PCDHA3: variants seen among roughly 807,000 people sequenced by gnomAD.
The protein encoded by PCDHA3 is protocadherin alpha-3.
PCDHA3 carries 41 observed loss-of-function variants against 62.2 expected under a neutral mutation model. The observed-to-expected ratio is 0.66, with a 90% CI of 0.51 to 0.86. The LOEUF is 0.86. Ranked by LOEUF, PCDHA3 falls within the 40% of genes least tolerant of loss-of-function variation. The pLI is 0.00. For synonymous variants in PCDHA3, 640 were observed against 555.4 expected (o/e 1.15, Z -2.14); for missense variants, 1,304 against 1,241.2 (o/e 1.05, Z -0.76).
chr5:140,869,250 G>C (rs371660992), intron 1 of PCDHA3: 4 of 1,613,636 alleles, frequency 2.5e-6, no homozygotes, highest in East Asian at 2.2e-5. Flanking sequence ...GCCGCATCGC[G>C]CAGGACCTGG....
intron 3 of PCDHA3, among the ~76,000 whole-genome samples, chr5:140,983,853 A>T (rs1447321377): frequency 6.6e-6 from 1 of 152,230 alleles, no homozygotes; most frequent in African/African-American, 2.4e-5. Context: ...ATTAAGTAAC[A>T]TGCAGCTAAG....
At position 140,842,418 on chromosome 5, in the gene PCDHA3, G is replaced by A. The variant is rs2150335492; in HGVS notation, c.2394+38827G>A. The A allele has an allele frequency of 1.9e-5, 31 of 1,613,276 alleles. No individual in the cohort carries two copies. In the South Asian group the frequency reaches 2.9e-4, roughly 15 times the overall value. On this transcript the variant is annotated intron_variant, in intron 1 of 3. Coordinates refer to ENST00000522353, the MANE Select transcript of PCDHA3 (RefSeq NM_018906.3). ...CCTGTACGTGAAGACGCTCAATTTG[G>A]TACTGTCATCGCCCTAATTAGCGTG...
chr5:140,966,694 C>T, intron 1 of PCDHA3: 1 of 1,358,670 alleles, frequency 7.4e-7, no homozygotes, highest in Non-Finnish European at 9.5e-7. Context: ...GAGGCGGGGC[C>T]CGGGCGTGGG....
intron 1 of PCDHA3, among the ~76,000 whole-genome samples, chr5:140,895,293 G>A (rs759197253): frequency 5.9e-5 from 9 of 151,430 alleles, no homozygotes; most frequent in African/African-American, 9.7e-5. Flanking sequence ...TAGGACCTTC[G>A]ATTTCCCCCC....
chr5:140,860,295 G>C (rs1358884678), intron 1 of PCDHA3: 2 of 151,884 alleles, frequency 1.3e-5, no homozygotes, highest in Non-Finnish European at 2.9e-5. Context: ...GTGGGAGGAC[G>C]GCTTGAGCCT....
At chr5:140,833,817 G>A (rs1772671317) in intron 1 of PCDHA3, among the ~76,000 whole-genome samples, 1 of 152,028 alleles carries the variant, frequency 6.6e-6, no homozygotes, top group Non-Finnish European at 1.5e-5. Context: ...GAGATCCTGG[G>A]TCCCTAAAAG....
intron 2 of PCDHA3, among the ~76,000 whole-genome samples, chr5:140,982,139 A>G (rs1381844546): frequency 1.3e-5 from 2 of 152,260 alleles, no homozygotes; most frequent in Non-Finnish European, 2.9e-5. Flanking sequence ...AGCCCTCCTC[A>G]TCTGCTTCAG....
chr5:140,900,437 C>T (rs1284375985), intron 1 of PCDHA3, among the ~76,000 whole-genome samples: 4 of 152,148 alleles, frequency 2.6e-5, no homozygotes, highest in African/African-American at 9.7e-5. Flanking sequence ...GCCACCACGG[C>T]CGGCTAATTT....
At chr5:140,877,347 G>A (rs2057054618) in intron 1 of PCDHA3, 3 of 1,614,010 alleles carry the variant, frequency 1.9e-6, no homozygotes, top group Admixed American at 1.7e-5. Flanking sequence ...TCCACGTGGG[G>A]CTGTACACTG....
intron 1 of PCDHA3, chr5:140,929,554 C>A (rs899446101): frequency 6.1e-6 from 3 of 488,410 alleles, no homozygotes; most frequent in African/African-American, 4.0e-5. Flanking sequence ...AAAATTAAAA[C>A]CTATTTAAGA....
chr5:140,940,305 A>G (rs2092590184), intron 1 of PCDHA3, among the ~76,000 whole-genome samples: 1 of 152,126 alleles, frequency 6.6e-6, no homozygotes, highest in Non-Finnish European at 1.5e-5. Flanking sequence ...GTAATTTATT[A>G]TCTTTCTTCC....
chr5:140,981,883 C>T (rs1488792007), intron 2 of PCDHA3, among the ~76,000 whole-genome samples: 1 of 152,146 alleles, frequency 6.6e-6, no homozygotes, highest in Non-Finnish European at 1.5e-5. Context: ...GAATTAATCT[C>T]TTCTGAGCGG....
At chr5:140,909,502 G>A (rs1583705871) in intron 1 of PCDHA3, among the ~76,000 whole-genome samples, 2 of 152,180 alleles carry the variant, frequency 1.3e-5, no homozygotes. Flanking sequence ...CGGGGATGTG[G>A]TGGGAATCAC....
chr5:140,940,635 TC>T (rs2092658903), intron 1 of PCDHA3, among the ~76,000 whole-genome samples: 1 of 152,214 alleles, frequency 6.6e-6, no homozygotes, highest in African/African-American at 2.4e-5. Context: ...CTTAAGCTTG[TC>T]ATTTATTTAT....
chr5:140,806,497 A>T (rs1554123626), intron 1 of PCDHA3, among the ~76,000 whole-genome samples: 1 of 152,192 alleles, frequency 6.6e-6, no homozygotes, highest in Non-Finnish European at 1.5e-5. Context: ...ACATGACTCA[A>T]GGAAGACATC....
At chr5:140,818,688 A>T (rs2150051064) in intron 1 of PCDHA3, among the ~76,000 whole-genome samples, 1 of 152,312 alleles carries the variant, frequency 6.6e-6, no homozygotes, top group East Asian at 1.9e-4. Context: ...AATGAAAAAA[A>T]TTAGCTAGAT....
At chr5:140,829,349 G>A (rs1770243547) in intron 1 of PCDHA3, 1 of 1,614,120 alleles carries the variant, frequency 6.2e-7, no homozygotes, top group Admixed American at 1.7e-5. Context: ...GAGCGTGTCG[G>A]CCTATGAGTT....
chr5:140,818,062 G>A (rs2150100004), intron 1 of PCDHA3, among the ~76,000 whole-genome samples: 2 of 152,042 alleles, frequency 1.3e-5, no homozygotes, highest in East Asian at 1.9e-4. Flanking sequence ...TTTTAATCTC[G>A]CTTGCAGTTT....
intron 1 of PCDHA3, chr5:140,841,348 G>A: frequency 6.2e-7 from 1 of 1,612,736 alleles, no homozygotes; most frequent in Non-Finnish European, 8.5e-7. Context: ...GAGGAGAGCT[G>A]GGATCCTGGC....
Sources: allele counts gnomAD v4.1 joint callset (sites outside exome capture counted in the v4.1 genomes callset), GRCh38; gene constraint gnomAD v4.1.1; transcripts MANE v1.5; gene names NCBI Gene and HGNC (gene_info 2026-07-23, HGNC 2026-07-21).